Variants in TNNI3K observed in about 807,000 individuals in gnomAD.
TNNI3K encodes serine/threonine-protein kinase TNNI3K.
TNNI3K carries 140 observed loss-of-function variants against 114.5 expected under a neutral mutation model. That is an observed-to-expected ratio of 1.22 (90% CI 1.07 to 1.41). The LOEUF (loss-of-function observed/expected upper bound fraction) is 1.41. Among genes scored for constraint, TNNI3K ranks in the 40% most tolerant of loss-of-function variants. The probability of loss-of-function intolerance (pLI) is 0.00; values close to 1 mark genes in which losing one functional copy is unlikely to be tolerated. For missense variants in TNNI3K, 1,125 were observed against 1,007.6 expected (o/e 1.12, Z -1.58); for synonymous variants, 347 against 347.5 (o/e 1.00, Z 0.02).
intron 17 of TNNI3K, among the ~76,000 whole-genome samples, chr1:74,432,613 A>G (rs1665950514): frequency 6.6e-6 from 1 of 152,034 alleles, no homozygotes; most frequent in Non-Finnish European, 1.5e-5. Flanking sequence ...TGAAGGGAGG[A>G]AAGTTAGACT....
intron 23 of TNNI3K, among the ~76,000 whole-genome samples, chr1:74,534,655 T>C (rs1374019871): frequency 6.6e-6 from 1 of 152,200 alleles, no homozygotes; most frequent in African/African-American, 2.4e-5. Context: ...AATATATCTC[T>C]TTGGATTAAA....
intron 20 of TNNI3K, 69 bp from the exon 21 acceptor site, chr1:74,463,372 G>C: frequency 6.5e-7 from 1 of 1,527,816 alleles, no homozygotes; most frequent in Admixed American, 1.7e-5. Context: ...TTTTGTGTGT[G>C]TGTGTCTTCA....
At chr1:74,525,815 G>C (rs1345550755) in intron 23 of TNNI3K, among the ~76,000 whole-genome samples, 1 of 152,144 alleles carries the variant, frequency 6.6e-6, no homozygotes, top group Non-Finnish European at 1.5e-5. Context: ...GTCAAAACCT[G>C]GGTTGCCCCA....
At chr1:74,543,578 A>C (rs544402928) in intron 24 of TNNI3K, among the ~76,000 whole-genome samples, 13 of 152,196 alleles carry the variant, frequency 8.5e-5, no homozygotes, top group African/African-American at 1.4e-4. Context: ...CCGTGCTTAA[A>C]CCCAGATTTG....
At chr1:74,490,026 C>G (rs1233716541) in intron 22 of TNNI3K, among the ~76,000 whole-genome samples, 1 of 59,304 alleles carries the variant, frequency 1.7e-5, no homozygotes, top group Non-Finnish European at 3.1e-5. Context: ...GTGGAACCAT[C>G]AAGAAAAGCA....
At chr1:74,515,951 G>A (rs1411730032) in intron 23 of TNNI3K, among the ~76,000 whole-genome samples, 3 of 152,188 alleles carry the variant, frequency 2.0e-5, no homozygotes, top group Non-Finnish European at 4.4e-5. Context: ...GTCTGACTCA[G>A]TTGAGAAGAA....
In TNNI3K at chr1:74,514,828, G is replaced by A. The variant is rs570946497; in HGVS notation, c.2351+22562G>A. ...AAGATATGTTGAAGTCTCAGACCCTGGTACCTCAAAATGTGACCCTATTTG... is the reference window on the plus strand; with the variant it reads ...AAGATATGTTGAAGTCTCAGACCCTAGTACCTCAAAATGTGACCCTATTTG... On this transcript the variant is annotated intron_variant, in intron 23 of 24. Coordinates refer to ENST00000326637, the MANE Select transcript of TNNI3K (RefSeq NM_015978.3). 2.3e-4 allele frequency among the ~76,000 whole-genome samples: 35 copies of A among 152,252 alleles called. No individual in the cohort carries two copies. In the South Asian group the frequency reaches 7.1e-3, roughly 31 times the overall value.
intron 23 of TNNI3K, among the ~76,000 whole-genome samples, chr1:74,516,759 G>A (rs1646353942): frequency 1.3e-5 from 2 of 152,134 alleles, no homozygotes; most frequent in African/African-American, 4.8e-5. Context: ...TAGTAATAAT[G>A]AATGTGCCCT....
At chr1:74,502,774 T>G (rs575473823) in intron 23 of TNNI3K, among the ~76,000 whole-genome samples, 12 of 152,318 alleles carry the variant, frequency 7.9e-5, no homozygotes, top group African/African-American at 2.9e-4. Flanking sequence ...ATAAATCACC[T>G]GCCTGTGCTG....
chr1:74,282,313 A>C (rs1252832883), intron 5 of TNNI3K, among the ~76,000 whole-genome samples: 1 of 152,060 alleles, frequency 6.6e-6, no homozygotes, highest in Admixed American at 6.5e-5. Context: ...TGTACAACAG[A>C]AATATATTTT....
intron 4 of TNNI3K, among the ~76,000 whole-genome samples, chr1:74,258,344 A>G (rs1025406886): frequency 5.9e-5 from 9 of 152,164 alleles, no homozygotes; most frequent in Non-Finnish European, 1.5e-5. Context: ...ACTCTCATTT[A>G]CACTCTTAAC....
chr1:74,515,845 T>C (rs1055614102), intron 23 of TNNI3K, among the ~76,000 whole-genome samples: 4 of 152,230 alleles, frequency 2.6e-5, no homozygotes, highest in East Asian at 1.9e-4. Flanking sequence ...TTCTTTAGAC[T>C]GGAGATCATT....
chr1:74,463,609 G>A, intron 21 of TNNI3K, 59 bp downstream of exon 21: 1 of 1,577,734 alleles, frequency 6.3e-7, no homozygotes, highest in Admixed American at 1.7e-5. Context: ...GTCACAAATA[G>A]TATAACTCCA....
intron 5 of TNNI3K, among the ~76,000 whole-genome samples, chr1:74,293,942 A>G (rs1014089045): frequency 5.3e-5 from 8 of 151,706 alleles, no homozygotes; most frequent in Non-Finnish European, 1.0e-4. Context: ...TCATCTATTG[A>G]GATCATTATG....
At chr1:74,446,812 G>T (rs556481620) in intron 20 of TNNI3K, among the ~76,000 whole-genome samples, 350 of 149,168 alleles carry the variant, frequency 2.3e-3, no homozygotes, top group Middle Eastern at 0.014. Flanking sequence ...TTTCCCCATT[G>T]CTTGTTTTTC....
chr1:74,473,124 T>C (rs992080568), intron 21 of TNNI3K, among the ~76,000 whole-genome samples: 1 of 152,120 alleles, frequency 6.6e-6, no homozygotes, highest in Non-Finnish European at 1.5e-5. Context: ...AGTAATACCA[T>C]TAATTGAGCA....
intron 24 of TNNI3K, 75 bp downstream of exon 24, chr1:74,540,388 G>T: frequency 7.1e-7 from 1 of 1,404,050 alleles, no homozygotes. Context: ...CAAAAAGGGA[G>T]AAAGCATTGC....
At chr1:74,490,994 T>C (rs1669041731) in intron 22 of TNNI3K, among the ~76,000 whole-genome samples, 1 of 152,216 alleles carries the variant, frequency 6.6e-6, no homozygotes, top group Non-Finnish European at 1.5e-5. Flanking sequence ...GTGACTGTCT[T>C]GCTGCAAAAT....
chr1:74,416,660 A>ATTGAT (rs1265993435), intron 17 of TNNI3K: 2 of 705,718 alleles, frequency 2.8e-6, no homozygotes, highest in Non-Finnish European at 3.5e-6. Flanking sequence ...ATGAATTTTA[A>ATTGAT]TTGATTTTTT....
Sources: allele counts gnomAD v4.1 joint callset (sites outside exome capture counted in the v4.1 genomes callset), GRCh38; gene constraint gnomAD v4.1.1; transcripts MANE v1.5; gene names NCBI Gene and HGNC (gene_info 2026-07-23, HGNC 2026-07-21).